The following CFAP77 variants were observed in gnomAD, a reference collection of about 807,000 sequenced individuals.
CFAP77 encodes the protein cilia- and flagella-associated protein 77.
CFAP77 carries 25 observed loss-of-function variants against 31.1 expected under a neutral mutation model. That is an observed-to-expected ratio of 0.80 (90% CI 0.59 to 1.12). The LOEUF (loss-of-function observed/expected upper bound fraction) is 1.12, where lower values mean the gene tolerates loss of function less well. Ranked by LOEUF, CFAP77 falls within the 50% of genes most tolerant of loss-of-function variation. CFAP77 has a pLI of 0.00. For missense variants in CFAP77, 377 were observed against 397.3 expected, an observed-to-expected ratio of 0.95 and a Z score of 0.44; for synonymous variants, 151 against 159.9, an observed-to-expected ratio of 0.94 and a Z score of 0.42.
At chr9:132,513,029 T>A (rs879927564) in intron 3 of CFAP77, among the ~76,000 whole-genome samples, 26 of 152,170 alleles carry the variant, frequency 1.7e-4, no homozygotes, top group Non-Finnish European at 2.8e-4. Context: ...TAAAAAAAAT[T>A]TTAATTTTTG....
At chr9:132,468,809 A>ACG (rs1554740243) in intron 1 of CFAP77, among the ~76,000 whole-genome samples, 14 of 149,274 alleles carry the variant, frequency 9.4e-5, no homozygotes, top group Non-Finnish European at 1.5e-4. Flanking sequence ...ACACACACAC[A>ACG]CGCACGCACA....
chr9:132,496,416 G>T (rs1249084140), intron 1 of CFAP77, among the ~76,000 whole-genome samples: 1 of 152,130 alleles, frequency 6.6e-6, no homozygotes, highest in African/African-American at 2.4e-5. Context: ...ACAGATTTGT[G>T]CAACCATCAC....
rs1156808705 is a variant in CFAP77, at chr9:132,481,596, G to A, written c.196-17099G>A. Among the ~76,000 whole-genome samples, 3 of 152,138 alleles carry A rather than the reference G, an allele frequency of 2.0e-5. No homozygotes were observed. Among genetic ancestry groups the A allele is most frequent in the Non-Finnish European group, 4.4e-5 (3 of 68,026 alleles). ...CTCTGCATCATCTGCCCTAGGAAAT[G>A]TCAACCCAGAACCAATCATAAAGCA... On this transcript the variant is annotated intron_variant, in intron 1 of 5. Transcript: ENST00000393216. The surrounding 1 kb of genome is among the most constrained non-coding windows in gnomAD (Gnocchi z 5.0).
In CFAP77 at chr9:132,498,878, T is replaced by C. The variant is rs1037454253; in HGVS notation, c.295+84T>C. 2 of 984,374 alleles carry C rather than the reference T, an allele frequency of 2.0e-6. No homozygotes were observed. Among genetic ancestry groups the C allele is most frequent in the Non-Finnish European group, 3.1e-6 (2 of 649,592 alleles). 61.0% of individuals were successfully genotyped at this position (984,374 alleles called of 1,614,324 possible). A position where few individuals can be genotyped will look rare whatever the true frequency, so the allele number is the denominator to read the frequency against. ...TCACAGACCCCTTGACCTAGCTCGC[T>C]GCTTGGCAGCTGGTTGGGTGCTGGA... On this transcript the variant is annotated intron_variant, in intron 2 of 5. Transcript: ENST00000393216. This position sits in a 1 kb window ranked among gnomAD's most constrained non-coding sequence, Gnocchi z 4.2.
At position 132,501,774 on chromosome 9, in the gene CFAP77, G is replaced by A. The variant is rs1034907998; in HGVS notation, c.524+2174G>A. ...AGGCCTGGGTCATGTGTCTGCCTCA[G>A]AGCCAATGGCTGAGGCCAGGGGAAT... is the stretch of plus-strand genomic sequence containing the variant. On this transcript the variant is annotated intron_variant, in intron 3 of 5. Transcript: ENST00000393216. The surrounding 1 kb of genome is among the most constrained non-coding windows in gnomAD (Gnocchi z 4.6). Among the ~76,000 whole-genome samples the A allele has an allele frequency of 2.6e-5, 4 of 152,250 alleles. No homozygotes were observed. Among genetic ancestry groups the A allele is most frequent in the African/African-American group, 9.6e-5 (4 of 41,478 alleles).
chr9:132,476,334 ACC>A (rs1851346440), intron 1 of CFAP77, among the ~76,000 whole-genome samples: 1 of 151,826 alleles, frequency 6.6e-6, no homozygotes, highest in Non-Finnish European at 1.5e-5. Flanking sequence ...CTAGTGACCC[ACC>A]CTCCTCTTGT....
intron 5 of CFAP77, among the ~76,000 whole-genome samples, chr9:132,555,907 C>T (rs1355073951): frequency 1.3e-5 from 2 of 152,094 alleles, no homozygotes; most frequent in Admixed American, 6.6e-5. Flanking sequence ...GCACCCACGG[C>T]GTACACGATA....
chr9:132,440,196 G>T (rs909210860), intron 1 of CFAP77, among the ~76,000 whole-genome samples: 34 of 152,148 alleles, frequency 2.2e-4, no homozygotes, highest in Middle Eastern at 3.4e-3. Flanking sequence ...AATTAGCTGG[G>T]CATGGTTGCA....
chr9:132,414,020 G>T (rs1330304017), intron 1 of CFAP77, among the ~76,000 whole-genome samples: 1 of 152,190 alleles, frequency 6.6e-6, no homozygotes, highest in Non-Finnish European at 1.5e-5. Flanking sequence ...ACTCATCCGA[G>T]GTGCTATCCT....
chr9:132,498,965 T>G lies in CFAP77; in HGVS notation c.295+171T>G, dbSNP rs992180561. On this transcript the variant is annotated intron_variant, in intron 2 of 5. Transcript: ENST00000393216. This position sits in a 1 kb window ranked among gnomAD's most constrained non-coding sequence, Gnocchi z 4.2. ...GGTAAAACCCAGGAAGTGGCCCAGATGGGGAGGGCCAAGCAGGGCCCTGGT... is the reference window on the plus strand; with the variant it reads ...GGTAAAACCCAGGAAGTGGCCCAGAGGGGGAGGGCCAAGCAGGGCCCTGGT... Among the ~76,000 whole-genome samples the G allele has an allele frequency of 2.6e-5, 4 of 152,176 alleles. No homozygotes were observed. Among genetic ancestry groups the G allele is most frequent in the Non-Finnish European group, 5.9e-5 (4 of 68,010 alleles).
At chr9:132,475,314 A>G (rs1851331820) in intron 1 of CFAP77, among the ~76,000 whole-genome samples, 1 of 152,252 alleles carries the variant, frequency 6.6e-6, no homozygotes, top group Non-Finnish European at 1.5e-5. Flanking sequence ...CCTGGGTATC[A>G]TGCATCTTGG....
rs1398804794 is a variant in CFAP77 at position 132,554,944 on chromosome 9, C to G, written c.732+11897C>G. ...TGCATGCATCCATCCATCCACCCAT[C>G]CATCCATCCATCCATCCATCCATCC... On this transcript the variant is annotated intron_variant, in intron 5 of 5. Transcript: ENST00000393216. The surrounding 1 kb of genome is among the most constrained non-coding windows in gnomAD (Gnocchi z 4.1). Among the ~76,000 whole-genome samples, 96 of 59,696 alleles carry G rather than the reference C, an allele frequency of 1.6e-3. No homozygotes were observed. The highest frequency in any genetic ancestry group is 9.0e-3 in the African/African-American group (95 of 10,530). The allele number at this position is 59,696 out of a possible 152,430, so 39.2% of individuals were successfully genotyped here. A position where few individuals can be genotyped will look rare whatever the true frequency, so the allele number is the denominator to read the frequency against.
chr9:132,438,387 G>A (rs1388160950), intron 1 of CFAP77, among the ~76,000 whole-genome samples: 1 of 150,958 alleles, frequency 6.6e-6, no homozygotes, highest in Non-Finnish European at 1.5e-5. Flanking sequence ...GATAGAGACT[G>A]ATTTTGTATA....
intron 3 of CFAP77, among the ~76,000 whole-genome samples, chr9:132,506,284 G>A (rs1026635722): frequency 2.4e-4 from 37 of 152,194 alleles, no homozygotes; most frequent in Admixed American, 9.8e-4. Context: ...CCCAAGGTCC[G>A]GAAACAGATA....
chr9:132,538,977 C>T (rs2119058596), intron 4 of CFAP77, among the ~76,000 whole-genome samples: 1 of 152,168 alleles, frequency 6.6e-6, no homozygotes, highest in African/African-American at 2.4e-5. Flanking sequence ...GTCCCAGCTA[C>T]TCGGGAGGCT....
At chr9:132,562,595 T>G (rs748413361) in intron 5 of CFAP77, among the ~76,000 whole-genome samples, 2 of 152,244 alleles carry the variant, frequency 1.3e-5, no homozygotes, top group African/African-American at 4.8e-5. Flanking sequence ...CACTGTCTAA[T>G]ATAACTTTCT....
intron 3 of CFAP77, among the ~76,000 whole-genome samples, chr9:132,505,921 A>T (rs1246741544): frequency 6.6e-6 from 1 of 152,202 alleles, no homozygotes; most frequent in African/African-American, 2.4e-5. Context: ...AGTATGAGCC[A>T]CCGCTAACAA....
chr9:132,498,020 T>C lies in CFAP77; in HGVS notation c.196-675T>C, dbSNP rs1851773831. 6.6e-6 allele frequency among the ~76,000 whole-genome samples: 1 copy of C among 152,086 alleles called. No individual in the cohort carries two copies. Among genetic ancestry groups the C allele is most frequent in the Admixed American group, 6.5e-5 (1 of 15,280 alleles). On this transcript the variant is annotated intron_variant, in intron 1 of 5. Transcript: ENST00000393216. The surrounding 1 kb of genome is among the most constrained non-coding windows in gnomAD (Gnocchi z 4.2). ...CTCTCTAGGCCTCAGTTTCTATAGC[T>C]ATAAATGGGTGGTGGCGGCAGGGTG...
chr9:132,519,331 GAT>G (rs1256976850), intron 3 of CFAP77, among the ~76,000 whole-genome samples: 9 of 149,502 alleles, frequency 6.0e-5, no homozygotes, highest in East Asian at 2.0e-4. Flanking sequence ...TGAATGGATG[GAT>G]GGATGGGTGG....
Sources: allele counts gnomAD v4.1 joint callset (sites outside exome capture counted in the v4.1 genomes callset), GRCh38; gene constraint gnomAD v4.1.1; non-coding constraint Gnocchi (gnomAD v3.1); transcripts MANE v1.5; gene names NCBI Gene and HGNC (gene_info 2026-07-23, HGNC 2026-07-21).